Variants in SH3RF1 observed in about 807,000 individuals in gnomAD.
SH3RF1 encodes SH3 domain containing ring finger 1.
A neutral mutation model predicts 74.0 loss-of-function variants in SH3RF1; 32 were observed. The ratio of observed to expected loss-of-function variants is 0.43; its 90% confidence interval spans 0.33 to 0.58. The LOEUF (loss-of-function observed/expected upper bound fraction) is 0.58, where lower values mean the gene tolerates loss of function less well. Ranked by LOEUF, SH3RF1 falls within the 20% of genes least tolerant of loss-of-function variation. The probability of loss-of-function intolerance (pLI) is 0.05; values close to 1 mark genes in which losing one functional copy is unlikely to be tolerated. For missense variants in SH3RF1, 954 were observed against 1,130.9 expected (o/e 0.84, Z 2.24); for synonymous variants, 396 against 439.6 (o/e 0.90, Z 1.24).
chr4:169,136,187 G>C, intron 5 of SH3RF1, 131 bp downstream of exon 5: 11 of 985,416 alleles, frequency 1.1e-5, no homozygotes, highest in Non-Finnish European at 1.5e-5. Context: ...GACAGGTTTT[G>C]CTTCCCAGAA....
chr4:169,236,342 T>C (rs997758293), intron 2 of SH3RF1, among the ~76,000 whole-genome samples: 1 of 152,252 alleles, frequency 6.6e-6, no homozygotes, highest in Non-Finnish European at 1.5e-5. Flanking sequence ...ATGGAGCCTT[T>C]GTCGGCTGGG....
chr4:169,167,394 C>T (rs1381260883), intron 2 of SH3RF1, among the ~76,000 whole-genome samples: 1 of 152,106 alleles, frequency 6.6e-6, no homozygotes, highest in Non-Finnish European at 1.5e-5. Flanking sequence ...TTGAAAAATT[C>T]TTATAAAGTT....
chr4:169,204,534 A>ACAT (rs1360983910), intron 2 of SH3RF1, among the ~76,000 whole-genome samples: 3 of 150,708 alleles, frequency 2.0e-5, no homozygotes, highest in Non-Finnish European at 2.9e-5. Flanking sequence ...CCTGGTTATC[A>ACAT]CATATATTAC....
chr4:169,176,644 G>A (rs1734426358), intron 2 of SH3RF1, among the ~76,000 whole-genome samples: 1 of 152,156 alleles, frequency 6.6e-6, no homozygotes, highest in African/African-American at 2.4e-5. Flanking sequence ...ACGTTCAAGC[G>A]ATTCTCCTGC....
chr4:169,259,384 C>G (rs1731239169), intron 2 of SH3RF1, among the ~76,000 whole-genome samples: 1 of 152,116 alleles, frequency 6.6e-6, no homozygotes, highest in African/African-American at 2.4e-5. Context: ...AATGGCACCT[C>G]CATTCCCTTC....
At chr4:169,121,181 C>A (rs1055207163) in intron 7 of SH3RF1, among the ~76,000 whole-genome samples, 192 bp from the exon 8 acceptor site, 1 of 152,176 alleles carries the variant, frequency 6.6e-6, no homozygotes. Context: ...TAAAAGTAGG[C>A]AGAGGCCCTC....
chr4:169,237,038 C>T (rs1490169975), intron 2 of SH3RF1, among the ~76,000 whole-genome samples: 2 of 152,220 alleles, frequency 1.3e-5, no homozygotes, highest in East Asian at 3.8e-4. Flanking sequence ...ACGCTCCCTT[C>T]TCAATGAACA....
rs532375452 is a variant in SH3RF1 at position 169,143,104 on chromosome 4, T to C, written c.766-6484A>G. On this transcript the variant is annotated intron_variant, in intron 4 of 11. Transcript: ENST00000284637. ...TAAATATTTGTTGAATGAATAAAAATGTTTGTCTCTTAGAACTATCAAGGG... is the reference window on the plus strand; with the variant it reads ...TAAATATTTGTTGAATGAATAAAAACGTTTGTCTCTTAGAACTATCAAGGG... 3.0e-4 allele frequency among the ~76,000 whole-genome samples: 46 copies of C among 152,338 alleles called. 1 individual carries two copies. In the South Asian group the frequency reaches 9.5e-3, roughly 32 times the overall value.
At chr4:169,186,177 C>T (rs1734599217) in intron 2 of SH3RF1, among the ~76,000 whole-genome samples, 1 of 152,090 alleles carries the variant, frequency 6.6e-6, no homozygotes, top group African/African-American at 2.4e-5. Context: ...GATGACTGCC[C>T]TATTTTCTAA....
intron 2 of SH3RF1, among the ~76,000 whole-genome samples, chr4:169,189,849 C>T (rs1045687270): frequency 3.9e-5 from 6 of 152,122 alleles, no homozygotes; most frequent in African/African-American, 1.2e-4. Flanking sequence ...AATGTTACCT[C>T]CTTTTCAAAT....
intron 5 of SH3RF1, 107 bp from the exon 6 acceptor site, chr4:169,130,263 T>G: frequency 1.3e-6 from 1 of 795,076 alleles, no homozygotes; most frequent in Non-Finnish European, 1.9e-6. Context: ...AAATCTGTAC[T>G]TTCTGTTATT....
chr4:169,211,211 G>A lies in SH3RF1; in HGVS notation c.394-54532C>T, dbSNP rs549355856. On this transcript the variant is annotated intron_variant, in intron 2 of 11. Transcript: ENST00000284637. ...ACTAGCCGGGCACGGTGTTGAGCAC[G>A]GTGGCTCATGCCTGTAATCCCAGCA... Among the ~76,000 whole-genome samples, 8 of 152,232 alleles carry A rather than the reference G, an allele frequency of 5.3e-5. No homozygotes were observed. In the South Asian group the frequency reaches 1.7e-3, roughly 32 times the overall value.
At chr4:169,251,036 TG>T (rs981072657) in intron 2 of SH3RF1, among the ~76,000 whole-genome samples, 1 of 152,048 alleles carries the variant, frequency 6.6e-6, no homozygotes, top group African/African-American at 2.4e-5. Flanking sequence ...GGAGATAAGG[TG>T]GAGGAAAAGG....
chr4:169,209,912 C>T (rs574874117), intron 2 of SH3RF1, among the ~76,000 whole-genome samples: 2 of 152,276 alleles, frequency 1.3e-5, no homozygotes, highest in South Asian at 4.1e-4. Flanking sequence ...TCCCTAGTCA[C>T]CCAAGTAGCT....
Position 169,201,429 on chromosome 4 carries a change from T to A in SH3RF1, c.394-44750A>T, listed in dbSNP as rs542492722. Among the ~76,000 whole-genome samples, 11 of 152,328 alleles carry A rather than the reference T, an allele frequency of 7.2e-5. No individual in the cohort carries two copies. The South Asian group carries it at 2.3e-3, about 32-fold the overall frequency. On this transcript the variant is annotated intron_variant, in intron 2 of 11. Transcript: ENST00000284637. ...CAAACTAAAAACACATAGGCACACA[T>A]GGGAATTATTTTACTTTCAACAAGT...
At chr4:169,143,904 C>T (rs974685341) in intron 4 of SH3RF1, among the ~76,000 whole-genome samples, 2 of 152,144 alleles carry the variant, frequency 1.3e-5, no homozygotes, top group African/African-American at 4.8e-5. Context: ...AAAGAGGGTA[C>T]ATGTCATTAA....
chr4:169,161,934 C>T (rs1052905376), intron 2 of SH3RF1, among the ~76,000 whole-genome samples: 10 of 152,158 alleles, frequency 6.6e-5, no homozygotes, highest in African/African-American at 9.7e-5. Flanking sequence ...AATCCCAGCA[C>T]TTTGGGAGGC....
chr4:169,256,683 A>C (rs997990491), intron 2 of SH3RF1, among the ~76,000 whole-genome samples: 4 of 152,112 alleles, frequency 2.6e-5, no homozygotes, highest in African/African-American at 9.7e-5. Flanking sequence ...TGCAGCCTCA[A>C]ACTCCTGGGC....
intron 2 of SH3RF1, among the ~76,000 whole-genome samples, chr4:169,158,742 C>T (rs998049868): frequency 2.0e-5 from 3 of 152,078 alleles, no homozygotes; most frequent in Admixed American, 6.6e-5. Context: ...GTCTGCCCCC[C>T]GACCTGTAAA....
Sources: gnomAD v4.1 joint callset for allele counts (sites outside exome capture counted in the v4.1 genomes callset) on GRCh38, gnomAD v4.1.1 for gene constraint, MANE v1.5 for transcripts, NCBI Gene and HGNC (gene_info 2026-07-23, HGNC 2026-07-21) for gene names.